Variants in NRXN1 observed in about 807,000 individuals in gnomAD.
NRXN1 encodes the protein neurexin-1.
NRXN1 carries 39 observed loss-of-function variants against 150.9 expected under a neutral mutation model. The observed-to-expected ratio is 0.26, with a 90% CI of 0.20 to 0.34. The LOEUF (loss-of-function observed/expected upper bound fraction) is 0.34. NRXN1 is among the 10% of genes least tolerant of loss of function. The pLI, the probability that NRXN1 is intolerant of heterozygous loss-of-function variation, is 1.00. For synonymous variants in NRXN1, 924 were observed against 757.0 expected, an observed-to-expected ratio of 1.22 and a Z score of -3.62; for missense variants, 1,815 against 1,949.9, an observed-to-expected ratio of 0.93 and a Z score of 1.30.
At chr2:50,931,027 G>T (rs556136044) in intron 2 of NRXN1, among the ~76,000 whole-genome samples, 1 of 152,218 alleles carries the variant, frequency 6.6e-6, no homozygotes, top group African/African-American at 2.4e-5. Context: ...CCTTCTAGTG[G>T]TTATGTGGTT....
At chr2:50,922,731 A>G in intron 3 of NRXN1, 44 bp from the exon 4 acceptor site, 8 of 1,601,048 alleles carry the variant, frequency 5.0e-6, no homozygotes, top group Non-Finnish European at 6.8e-6. Flanking sequence ...ACAAGGGAGC[A>G]TGGGAAGGCA....
chr2:50,848,480 G>C, intron 5 of NRXN1, among the ~76,000 whole-genome samples: 1 of 152,030 alleles, frequency 6.6e-6, no homozygotes, highest in South Asian at 2.1e-4. Flanking sequence ...CTTCGGTTTG[G>C]GAGGCAATTG....
intron 2 of NRXN1, among the ~76,000 whole-genome samples, chr2:51,019,740 C>T (rs376276822): frequency 1.3e-5 from 2 of 151,998 alleles, no homozygotes; most frequent in African/African-American, 4.8e-5. Flanking sequence ...AGGATTTGTG[C>T]TCCGTGGATG....
At chr2:50,797,720 C>A (rs1332469758) in intron 5 of NRXN1, among the ~76,000 whole-genome samples, 2 of 152,116 alleles carry the variant, frequency 1.3e-5, no homozygotes, top group Non-Finnish European at 2.9e-5. Context: ...TGCAAGGTAC[C>A]TATTTCAATG....
At chr2:50,910,071 T>A (rs1305096396) in intron 5 of NRXN1, among the ~76,000 whole-genome samples, 1 of 151,732 alleles carries the variant, frequency 6.6e-6, no homozygotes, top group Non-Finnish European at 1.5e-5. Flanking sequence ...ACAAAAAAAA[T>A]GTATCACAAA....
At chr2:50,500,212 G>A (rs1283769230) in intron 13 of NRXN1, among the ~76,000 whole-genome samples, 2 of 152,042 alleles carry the variant, frequency 1.3e-5, no homozygotes, top group Non-Finnish European at 2.9e-5. Flanking sequence ...GTTAATTCCA[G>A]ACTAAGGAGT....
chr2:50,666,839 A>AATG lies in NRXN1; in HGVS notation c.833-43227_833-43225dup, dbSNP rs202154192. 4.7e-3 allele frequency among the ~76,000 whole-genome samples: 685 copies of AATG among 144,966 alleles called. 5 individuals carry two copies. The highest frequency in any genetic ancestry group is 8.2e-3 in the East Asian group (39 of 4,740). On this transcript the variant is annotated intron_variant, in intron 5 of 22. Coordinates refer to ENST00000401669, the MANE Select transcript of NRXN1 (RefSeq NM_001330078.2). Reference sequence around the variant, plus strand: ...AGTTCCAAGTTCCAGAGCATAAAATAATGATGATGATGATGATGATGATGA... The same window carrying AATG: ...AGTTCCAAGTTCCAGAGCATAAAATAATGATGATGATGATGATGATGATGATGA...
At chr2:50,104,526 A>C (rs1365404308) in intron 18 of NRXN1, among the ~76,000 whole-genome samples, 1 of 152,026 alleles carries the variant, frequency 6.6e-6, no homozygotes, top group Non-Finnish European at 1.5e-5. Flanking sequence ...GATATTCCAG[A>C]AGGGCAGGAT....
chr2:50,915,071 C>G (rs1055573936), intron 5 of NRXN1, among the ~76,000 whole-genome samples: 1 of 151,568 alleles, frequency 6.6e-6, no homozygotes, highest in Non-Finnish European at 1.5e-5. Flanking sequence ...GTTCAGGAGA[C>G]GGCCAAATTG....
intron 2 of NRXN1, among the ~76,000 whole-genome samples, chr2:50,980,787 T>G (rs13005436): frequency 0.23 from 35,094 of 152,070 alleles, 5,772 homozygotes; most frequent in African/African-American, 0.45. Context: ...CCAGAGAGTT[T>G]TCCTGCCTTT....
chr2:50,083,887 A>C (rs527783271), intron 19 of NRXN1, among the ~76,000 whole-genome samples: 1 of 152,278 alleles, frequency 6.6e-6, no homozygotes, highest in East Asian at 1.9e-4. Context: ...TCCCTTAGGT[A>C]GACATAAAGG....
At chr2:50,570,731 G>A (rs550626676) in intron 8 of NRXN1, among the ~76,000 whole-genome samples, 33 of 146,618 alleles carry the variant, frequency 2.3e-4, no homozygotes, top group Non-Finnish European at 3.0e-4. Flanking sequence ...TTATAACATG[G>A]CAGTCATGTT....
intron 17 of NRXN1, among the ~76,000 whole-genome samples, chr2:50,403,826 G>C (rs1047241446): frequency 6.6e-6 from 1 of 152,016 alleles, no homozygotes; most frequent in African/African-American, 2.4e-5. Context: ...TTAGAAAATA[G>C]ACTCAAGTCT....
intron 18 of NRXN1, among the ~76,000 whole-genome samples, chr2:50,198,782 T>G (rs1261481291): frequency 6.6e-6 from 1 of 152,132 alleles, no homozygotes; most frequent in Non-Finnish European, 1.5e-5. Context: ...CCCTAGGTCT[T>G]GAATATTGCA....
chr2:50,082,887 A>C (rs894390219), intron 19 of NRXN1, among the ~76,000 whole-genome samples: 3 of 152,222 alleles, frequency 2.0e-5, no homozygotes, highest in African/African-American at 7.2e-5. Context: ...TAGTATCCAA[A>C]TAGCAGATAC....
chr2:50,237,380 A>G (rs1049824326), intron 17 of NRXN1, among the ~76,000 whole-genome samples: 1 of 152,096 alleles, frequency 6.6e-6, no homozygotes, highest in African/African-American at 2.4e-5. Flanking sequence ...CTGCATGCAG[A>G]TGTGACAGGG....
intron 5 of NRXN1, among the ~76,000 whole-genome samples, chr2:50,734,852 C>G (rs905845790): frequency 6.6e-6 from 1 of 151,984 alleles, no homozygotes; most frequent in African/African-American, 2.4e-5. Flanking sequence ...ATAAATAAAT[C>G]CAGAGAATGT....
intron 17 of NRXN1, among the ~76,000 whole-genome samples, chr2:50,428,127 G>C (rs2084652329): frequency 6.6e-6 from 1 of 152,096 alleles, no homozygotes; most frequent in African/African-American, 2.4e-5. Flanking sequence ...GAAAAATAAA[G>C]GCAAGGCGAG....
At chr2:50,768,157 T>A (rs903830887) in intron 5 of NRXN1, among the ~76,000 whole-genome samples, 2 of 152,120 alleles carry the variant, frequency 1.3e-5, no homozygotes, top group Non-Finnish European at 2.9e-5. Context: ...TCTTTCTCCA[T>A]GGCTGATACC....
Sources: allele counts gnomAD v4.1 joint callset (sites outside exome capture counted in the v4.1 genomes callset), GRCh38; gene constraint gnomAD v4.1.1; transcripts MANE v1.5; gene names NCBI Gene and HGNC (gene_info 2026-07-23, HGNC 2026-07-21).